The following TRDN variants were observed in gnomAD, a reference collection of about 807,000 sequenced individuals.
TRDN encodes the protein triadin.
A neutral mutation model predicts 149.7 loss-of-function variants in TRDN; 161 were observed. The observed-to-expected ratio is 1.08, with a 90% CI of 0.95 to 1.23. The LOEUF (loss-of-function observed/expected upper bound fraction) is 1.23, where lower values mean the gene tolerates loss of function less well. TRDN is among the 50% of genes most tolerant of loss of function. The pLI is 0.00. For synonymous variants in TRDN, 294 were observed against 250.5 expected (o/e 1.17, Z -1.64); for missense variants, 896 against 823.5 (o/e 1.09, Z -1.08).
chr6:123,269,599 G>T (rs1313979381), intron 31 of TRDN, among the ~76,000 whole-genome samples: 1 of 151,704 alleles, frequency 6.6e-6, no homozygotes, highest in African/African-American at 2.4e-5. Flanking sequence ...AATTAGTAGT[G>T]ATTTAATTAA....
At chr6:123,218,784 G>C (rs1343033207) in intron 40 of TRDN, 44 bp from the exon 41 acceptor site, 4 of 1,538,584 alleles carry the variant, frequency 2.6e-6, no homozygotes, top group Admixed American at 4.0e-5. Flanking sequence ...TGCAGAACAT[G>C]AGCAAAAAAG....
intron 24 of TRDN, among the ~76,000 whole-genome samples, chr6:123,311,533 C>T (rs1383801293): frequency 1.3e-5 from 2 of 151,258 alleles, no homozygotes; most frequent in African/African-American, 4.9e-5. Context: ...CATTGGCCAC[C>T]CACAACTCTC....
chr6:123,411,461 T>C (rs1365516572), intron 12 of TRDN, among the ~76,000 whole-genome samples: 1 of 152,162 alleles, frequency 6.6e-6, no homozygotes, highest in Non-Finnish European at 1.5e-5. Flanking sequence ...AGAACTGAAT[T>C]GCTTTGTATG....
At chr6:123,318,974 C>T (rs1779140386) in intron 23 of TRDN, among the ~76,000 whole-genome samples, 1 of 151,990 alleles carries the variant, frequency 6.6e-6, no homozygotes, top group Non-Finnish European at 1.5e-5. Context: ...GACCTTAGGA[C>T]AAGTTCTTTT....
chr6:123,570,143 A>G (rs1189528106), intron 2 of TRDN, among the ~76,000 whole-genome samples: 1 of 152,154 alleles, frequency 6.6e-6, no homozygotes, highest in African/African-American at 2.4e-5. Context: ...CCTGTTGGAG[A>G]AAGAAAAAAG....
chr6:123,489,025 A>G (rs1778092483), intron 9 of TRDN: 1 of 152,154 alleles, frequency 6.6e-6, no homozygotes, highest in African/African-American at 2.4e-5. Context: ...ACTCACAGAA[A>G]TCACTTAACA....
At chr6:123,569,329 C>G (rs987381955) in intron 2 of TRDN, among the ~76,000 whole-genome samples, 2 of 152,172 alleles carry the variant, frequency 1.3e-5, no homozygotes, top group African/African-American at 4.8e-5. Flanking sequence ...AACCATTTAA[C>G]CAGTCACTAA....
chr6:123,230,606 A>G (rs1300045530), intron 38 of TRDN, among the ~76,000 whole-genome samples: 1 of 151,864 alleles, frequency 6.6e-6, no homozygotes, highest in Non-Finnish European at 1.5e-5. Flanking sequence ...ATTGGAATAT[A>G]TTCAACACCC....
intron 39 of TRDN, among the ~76,000 whole-genome samples, chr6:123,221,943 C>T (rs1775163108): frequency 6.6e-6 from 1 of 151,676 alleles, no homozygotes; most frequent in South Asian, 2.1e-4. Context: ...ATATGTTTTT[C>T]GTGATCATCC....
At chr6:123,380,084 T>C (rs966146025) in intron 16 of TRDN, among the ~76,000 whole-genome samples, 8 of 151,956 alleles carry the variant, frequency 5.3e-5, no homozygotes, top group Admixed American at 5.3e-4. Flanking sequence ...CCATAGCAAA[T>C]GAGTGAATTT....
chr6:123,231,248 A>G (rs1287581253), intron 38 of TRDN, among the ~76,000 whole-genome samples: 1 of 151,994 alleles, frequency 6.6e-6, no homozygotes, highest in Non-Finnish European at 1.5e-5. Flanking sequence ...AAAGTACCCA[A>G]CCAAATAGAA....
intron 19 of TRDN, among the ~76,000 whole-genome samples, chr6:123,366,600 C>T (rs1781109353): frequency 6.6e-6 from 1 of 152,040 alleles, no homozygotes; most frequent in African/African-American, 2.4e-5. Flanking sequence ...TCACTGCAAC[C>T]TCTCCCTCCC....
chr6:123,575,471 T>C (rs1388747400), intron 1 of TRDN, among the ~76,000 whole-genome samples: 1 of 152,120 alleles, frequency 6.6e-6, no homozygotes, highest in Non-Finnish European at 1.5e-5. Context: ...GTTATTGATA[T>C]GGCAGAAAAA....
chr6:123,383,652 GATAA>G (rs1245586743), intron 14 of TRDN, among the ~76,000 whole-genome samples: 1 of 151,868 alleles, frequency 6.6e-6, no homozygotes, highest in Non-Finnish European at 1.5e-5. Flanking sequence ...AACTAAATAA[GATAA>G]ATTAAATAAT....
chr6:123,357,678 T>A (rs1780736264), intron 20 of TRDN, among the ~76,000 whole-genome samples: 1 of 152,186 alleles, frequency 6.6e-6, no homozygotes, highest in Admixed American at 6.5e-5. Context: ...TTCTTATTCA[T>A]AATTCTTTTA....
chr6:123,416,805 G>C (rs756714870), intron 12 of TRDN, among the ~76,000 whole-genome samples: 16 of 151,532 alleles, frequency 1.1e-4, no homozygotes, highest in Middle Eastern at 3.4e-3. Flanking sequence ...GGGTCCAAGC[G>C]ATTCTCTCGC....
chr6:123,424,072 A>G (rs948345053), intron 12 of TRDN, among the ~76,000 whole-genome samples: 1 of 152,110 alleles, frequency 6.6e-6, no homozygotes, highest in Non-Finnish European at 1.5e-5. Flanking sequence ...CCAGAGGAAA[A>G]TTATAACTGT....
chr6:123,602,830 G>C (rs1038955067), intron 1 of TRDN, among the ~76,000 whole-genome samples: 1 of 151,862 alleles, frequency 6.6e-6, no homozygotes, highest in African/African-American at 2.4e-5. Context: ...CACAGCCCAG[G>C]ACAAAATCTC....
intron 1 of TRDN, among the ~76,000 whole-genome samples, chr6:123,621,604 G>C (rs1785386991): frequency 6.6e-6 from 1 of 152,020 alleles, no homozygotes; most frequent in Admixed American, 6.6e-5. Flanking sequence ...ACAAACTCTA[G>C]CTACATACAA....
Sources: allele counts gnomAD v4.1 joint callset (sites outside exome capture counted in the v4.1 genomes callset), GRCh38; gene constraint gnomAD v4.1.1; transcripts MANE v1.5; gene names NCBI Gene and HGNC (gene_info 2026-07-23, HGNC 2026-07-21).